Variants in ITPR2 observed in about 807,000 individuals in gnomAD.
The protein encoded by ITPR2 is inositol 1,4,5-trisphosphate receptor type 2, also known as inositol 1,4,5-trisphosphate-gated calcium channel ITPR2.
A neutral mutation model predicts 317.1 loss-of-function variants in ITPR2; 207 were observed. The observed-to-expected ratio is 0.65, with a 90% CI of 0.58 to 0.73. ITPR2 has a LOEUF of 0.73. ITPR2 is among the 30% of genes least tolerant of loss of function. ITPR2 has a pLI of 0.00. For missense variants in ITPR2, 2,613 were observed against 3,284.0 expected, an observed-to-expected ratio of 0.80 and a Z score of 4.99; for synonymous variants, 1,156 against 1,149.1, an observed-to-expected ratio of 1.01 and a Z score of -0.12.
intron 45 of ITPR2, among the ~76,000 whole-genome samples, chr12:26,455,052 G>A (rs894874112): frequency 3.3e-5 from 5 of 152,026 alleles, no homozygotes; most frequent in Non-Finnish European, 7.4e-5. Flanking sequence ...CCACTTTAAA[G>A]TGGGTTAATT....
intron 2 of ITPR2, among the ~76,000 whole-genome samples, chr12:26,784,763 C>A (rs990493547): frequency 6.1e-4 from 92 of 149,728 alleles, no homozygotes; most frequent in African/African-American, 2.1e-3. Context: ...CCAGCCACCA[C>A]CCCGTCTGGG....
At chr12:26,784,198 T>G (rs1259818899) in intron 2 of ITPR2, among the ~76,000 whole-genome samples, 1 of 151,686 alleles carries the variant, frequency 6.6e-6, no homozygotes, top group Non-Finnish European at 1.5e-5. Context: ...TTTTCACAAC[T>G]CTTCAGTACA....
chr12:26,389,961 C>A (rs976971371), intron 54 of ITPR2, among the ~76,000 whole-genome samples: 1 of 152,324 alleles, frequency 6.6e-6, no homozygotes, highest in East Asian at 1.9e-4. Context: ...AGATATATTT[C>A]TTTTCTTCAC....
intron 2 of ITPR2, among the ~76,000 whole-genome samples, chr12:26,765,630 T>C (rs1949707239): frequency 1.3e-5 from 2 of 152,182 alleles, no homozygotes; most frequent in Non-Finnish European, 2.9e-5. Context: ...TTTGGTTTTT[T>C]AACAGCTTTA....
In ITPR2 at chr12:26,821,677, T is replaced by C. The variant is rs74668154; in HGVS notation, c.92+11013A>G. ...ACAGTTTTTCAATTCTTAAACTTCA[T>C]CCATGTGGGCAAAGTGATATCCAAG... On this transcript the variant is annotated intron_variant, in intron 1 of 56. Transcript: ENST00000381340. 7.9e-5 allele frequency among the ~76,000 whole-genome samples: 12 copies of C among 152,344 alleles called. No individual in the cohort carries two copies. The East Asian group carries it at 1.3e-3, about 17-fold the overall frequency.
intron 9 of ITPR2, among the ~76,000 whole-genome samples, chr12:26,702,431 CTT>C (rs11316603): frequency 6.1e-5 from 6 of 97,892 alleles, no homozygotes; most frequent in Admixed American, 2.6e-4. Context: ...TTTTTTTTTT[CTT>C]TTTTTTTTTT....
At chr12:26,551,585 C>G (rs1323028323) in intron 36 of ITPR2, among the ~76,000 whole-genome samples, 2 of 152,212 alleles carry the variant, frequency 1.3e-5, no homozygotes, top group African/African-American at 4.8e-5. Context: ...AGTGCCACAA[C>G]AGAGGCATTG....
At chr12:26,750,456 C>T (rs1949394523) in intron 2 of ITPR2, among the ~76,000 whole-genome samples, 1 of 152,184 alleles carries the variant, frequency 6.6e-6, no homozygotes, top group African/African-American at 2.4e-5. Context: ...TGTGCAATGA[C>T]AAGGAGTCAT....
chr12:26,569,164 C>T (rs1178458559), intron 34 of ITPR2, among the ~76,000 whole-genome samples: 2 of 152,004 alleles, frequency 1.3e-5, no homozygotes, highest in African/African-American at 4.8e-5. Flanking sequence ...CTGATAAGGG[C>T]TATTCCGAAG....
At chr12:26,800,620 T>C (rs1018679459) in intron 1 of ITPR2, among the ~76,000 whole-genome samples, 9 of 152,094 alleles carry the variant, frequency 5.9e-5, no homozygotes, top group Admixed American at 2.0e-4. Context: ...GCCAGATAGA[T>C]TTAGTAAAGA....
intron 55 of ITPR2, chr12:26,373,644 T>G (rs1939253012): frequency 1.3e-5 from 2 of 152,192 alleles, no homozygotes; most frequent in Admixed American, 1.3e-4. Context: ...GGCCGGAATA[T>G]TATTTCTCCA....
chr12:26,447,206 G>A (rs960348623), intron 45 of ITPR2, among the ~76,000 whole-genome samples: 9 of 151,952 alleles, frequency 5.9e-5, no homozygotes, highest in South Asian at 2.1e-4. Context: ...ATATTTATGC[G>A]TTTAAGTGGA....
chr12:26,454,068 C>T (rs1195508704), intron 45 of ITPR2, among the ~76,000 whole-genome samples: 14 of 151,896 alleles, frequency 9.2e-5, no homozygotes, highest in Non-Finnish European at 2.9e-5. Flanking sequence ...GGATGGCATA[C>T]AGTATTTTTT....
chr12:26,556,086 T>C, intron 36 of ITPR2, 147 bp downstream of exon 36: 1 of 614,036 alleles, frequency 1.6e-6, no homozygotes, highest in Non-Finnish European at 2.6e-6. Flanking sequence ...TCAATTTAAT[T>C]ATTCTGGCAG....
At chr12:26,705,519 G>C (rs1471945330) in intron 9 of ITPR2, among the ~76,000 whole-genome samples, 1 of 152,010 alleles carries the variant, frequency 6.6e-6, no homozygotes, top group Non-Finnish European at 1.5e-5. Context: ...ACTCCCTAAT[G>C]ATCTTACCTG....
At chr12:26,808,005 A>G (rs1950667744) in intron 1 of ITPR2, among the ~76,000 whole-genome samples, 1 of 152,218 alleles carries the variant, frequency 6.6e-6, no homozygotes, top group Non-Finnish European at 1.5e-5. Context: ...CCAAAGAACA[A>G]GTACTTAACC....
chr12:26,369,632 T>C (rs1939123924), intron 55 of ITPR2, among the ~76,000 whole-genome samples: 2 of 152,232 alleles, frequency 1.3e-5, no homozygotes, highest in Admixed American at 6.5e-5. Context: ...TAAAGACTTA[T>C]ACTAGTTTTG....
intron 55 of ITPR2, among the ~76,000 whole-genome samples, chr12:26,375,064 T>C (rs1939296255): frequency 6.6e-6 from 1 of 152,236 alleles, no homozygotes; most frequent in Admixed American, 6.5e-5. Flanking sequence ...TTACAGTATA[T>C]AGTTCTTATT....
intron 34 of ITPR2, among the ~76,000 whole-genome samples, chr12:26,571,268 G>C (rs866491159): frequency 6.6e-6 from 1 of 152,152 alleles, no homozygotes. Flanking sequence ...AACTTCTGAA[G>C]TTTTATCAGA....
Sources: allele counts gnomAD v4.1 joint callset (sites outside exome capture counted in the v4.1 genomes callset), GRCh38; gene constraint gnomAD v4.1.1; transcripts MANE v1.5; gene names NCBI Gene and HGNC (gene_info 2026-07-23, HGNC 2026-07-21).